Variants in BMP2K observed in about 807,000 individuals in gnomAD.
BMP2K encodes BMP-2-inducible protein kinase.
BMP2K carries 74 observed loss-of-function variants against 116.0 expected under a neutral mutation model. The observed-to-expected ratio is 0.64, with a 90% CI of 0.53 to 0.77. The LOEUF (loss-of-function observed/expected upper bound fraction) is 0.77, where lower values mean the gene tolerates loss of function less well. Among genes scored for constraint, BMP2K ranks in the 30% least tolerant of loss-of-function variants. The pLI is 0.00. For synonymous variants in BMP2K, 486 were observed against 502.5 expected (o/e 0.97, Z 0.44); for missense variants, 1,365 against 1,403.6 (o/e 0.97, Z 0.44).
rs1030545809 is a variant in BMP2K, at chr4:78,834,224, A to AATC, written c.403+552_403+554dup. Among the ~76,000 whole-genome samples the AATC allele has an allele frequency of 3.3e-5, 5 of 151,938 alleles. No homozygotes were observed. The South Asian group carries it at 6.2e-4, about 19-fold the overall frequency. The stretch of plus-strand genomic sequence containing the variant: ...AATATTTACTTGTATAGCATACCTT[A>AATC]ATCATCATCATCATCATAAAAAAAT... On this transcript the variant is annotated intron_variant, in intron 3 of 15. Transcript: ENST00000502613.
intron 15 of BMP2K, chr4:78,898,743 A>T (rs143193451): frequency 6.6e-6 from 1 of 152,038 alleles, no homozygotes; most frequent in African/African-American, 2.4e-5. Context: ...AAATAACTTT[A>T]TATGTATTGA....
At chr4:78,829,606 C>T (rs1319091820) in intron 2 of BMP2K, among the ~76,000 whole-genome samples, 11 of 151,898 alleles carry the variant, frequency 7.2e-5, no homozygotes, top group African/African-American at 2.7e-4. Flanking sequence ...TTTTGATTTA[C>T]TTTGCCCAGA....
Position 78,776,621 on chromosome 4 carries a change from CGGGG to C in BMP2K, c.79_82del (p.Gly27ProfsTer51). 8.3e-7 allele frequency: 1 copy of C among 1,200,804 alleles called. No homozygotes were observed. The highest frequency in any genetic ancestry group is 1.0e-6 in the Non-Finnish European group (1 of 964,752). 74.4% of individuals were successfully genotyped at this position (1,200,804 alleles called of 1,614,324 possible). ...CGGCGGGTGGCGGGGCTGGCGGGGC[CGGGG>C]CCGGGGCCGGCTGCGGCTCCGGCGG... On this transcript the variant is annotated frameshift_variant, in exon 1 of 16. Transcript: ENST00000502613. LOFTEE classifies it high-confidence loss of function.
chr4:78,838,680 T>C (rs758408668), intron 3 of BMP2K, among the ~76,000 whole-genome samples: 10 of 152,226 alleles, frequency 6.6e-5, no homozygotes, highest in Non-Finnish European at 1.3e-4. Context: ...ACCTATATAA[T>C]GTATACAGTT....
At chr4:78,792,442 C>G (rs1728048245) in intron 1 of BMP2K, among the ~76,000 whole-genome samples, 1 of 152,184 alleles carries the variant, frequency 6.6e-6, no homozygotes, top group African/African-American at 2.4e-5. Flanking sequence ...CAGTGACAAA[C>G]TATGATTATT....
intron 15 of BMP2K, among the ~76,000 whole-genome samples, chr4:78,897,248 C>T (rs1454721115): frequency 1.3e-5 from 2 of 151,670 alleles, no homozygotes; most frequent in Non-Finnish European, 2.9e-5. Context: ...AACATAACAT[C>T]TTGGGGAAAA....
intron 15 of BMP2K, among the ~76,000 whole-genome samples, chr4:78,908,468 C>A (rs1445103765): frequency 6.6e-6 from 1 of 152,174 alleles, no homozygotes; most frequent in African/African-American, 2.4e-5. Context: ...CCTCTGCTGA[C>A]TTCTGAATGT....
chr4:78,915,188 T>G lies in BMP2K; in HGVS notation c.*3155T>G, dbSNP rs1002441916. The G allele has an allele frequency of 2.0e-5, 3 of 152,106 alleles. No individual in the cohort carries two copies. Among genetic ancestry groups the G allele is most frequent in the African/African-American group, 7.2e-5 (3 of 41,546 alleles). The allele number at this position is 152,106 out of a possible 1,614,324, so 9.4% of individuals were successfully genotyped here. A position where few individuals can be genotyped will look rare whatever the true frequency, so the allele number is the denominator to read the frequency against. ...TTACGACATTATCCGGATTTGCAAA[T>G]AGACACAACTTTCAGTCTTACCCTG... On this transcript the variant is annotated 3_prime_UTR_variant, in exon 16 of 16. Transcript: ENST00000502613.
At chr4:78,897,452 A>C (rs945970677) in intron 15 of BMP2K, among the ~76,000 whole-genome samples, 1 of 152,158 alleles carries the variant, frequency 6.6e-6, no homozygotes, top group Non-Finnish European at 1.5e-5. Flanking sequence ...TGAATTAAAA[A>C]TTTATAATGA....
chr4:78,906,428 T>C (rs965004527), intron 15 of BMP2K, among the ~76,000 whole-genome samples: 6 of 152,196 alleles, frequency 3.9e-5, no homozygotes, highest in Non-Finnish European at 5.9e-5. Context: ...CCCGTACTAT[T>C]TGCAGATGTA....
chr4:78,890,404 GCACACACACACA>G (rs149825379), intron 15 of BMP2K, among the ~76,000 whole-genome samples: 1 of 147,968 alleles, frequency 6.8e-6, no homozygotes, highest in Admixed American at 6.8e-5. Flanking sequence ...ACAATCATGC[GCACACACACACA>G]CACACACACA....
rs544303487 is a variant in BMP2K, at chr4:78,808,094, G to T, written c.179-17943G>T. On this transcript the variant is annotated intron_variant, in intron 1 of 15. Coordinates refer to ENST00000502613, the MANE Select transcript of BMP2K (RefSeq NM_198892.2). The stretch of plus-strand genomic sequence containing the variant: ...TTTCGAGATGGAGTCTCGCTCTGTT[G>T]CCCAGGCTGGAGTGCAGTGGTGTGA... 2.6e-3 allele frequency among the ~76,000 whole-genome samples: 392 copies of T among 151,522 alleles called. 1 individual carries two copies. Among genetic ancestry groups the T allele is most frequent in the Non-Finnish European group, 4.4e-3 (301 of 67,912 alleles).
chr4:78,843,431 T>C (rs1031427819), intron 4 of BMP2K, among the ~76,000 whole-genome samples: 1 of 151,886 alleles, frequency 6.6e-6, no homozygotes, highest in Non-Finnish European at 1.5e-5. Flanking sequence ...CTTTTCTTTT[T>C]TTTTTCTTCC....
chr4:78,870,993 A>C lies in BMP2K; in HGVS notation c.1442A>C (p.Gln481Pro), dbSNP rs1255783205. 6.6e-7 allele frequency: 1 copy of C among 1,515,188 alleles called. No individual in the cohort carries two copies. The allele number at this position is 1,515,188 out of a possible 1,614,324, so 93.9% of individuals were successfully genotyped here. Reference sequence around the variant, plus strand: ...CAGCAGCAACAGCAACAGCAGCAGCAGCAGCAGCAGCAGCAGCACCACCAC... The same window carrying C: ...CAGCAGCAACAGCAACAGCAGCAGCCGCAGCAGCAGCAGCAGCACCACCAC... ...QQQQQQQQQQ[Q>P]QQQQQHHHHH... Residue 481 changes from glutamine (Q) to proline (P), a missense_variant, in exon 11 of 16, where the codon CAG becomes CCG. Transcript: ENST00000502613.
intron 15 of BMP2K, among the ~76,000 whole-genome samples, chr4:78,890,883 A>G (rs1312408693): frequency 6.6e-6 from 1 of 152,132 alleles, no homozygotes; most frequent in Non-Finnish European, 1.5e-5. Flanking sequence ...GAAAATATGC[A>G]TGAGAGGAAG....
At position 78,903,610 on chromosome 4, in the gene BMP2K, C is replaced by G. The variant is rs1048994905; in HGVS notation, c.2063-7000C>G. Among the ~76,000 whole-genome samples the G allele has an allele frequency of 2.0e-5, 3 of 151,878 alleles. No homozygotes were observed. In the East Asian group the frequency reaches 5.8e-4, roughly 29 times the overall value. The stretch of plus-strand genomic sequence containing the variant: ...CTCAGGCTTATTTGGATGTTTATCT[C>G]TCATGGATTTTGTAAAGTTGAGTAT... On this transcript the variant is annotated intron_variant, in intron 15 of 15. Transcript: ENST00000502613.
Position 78,878,729 on chromosome 4 carries a change from T to C in BMP2K, c.1794-5T>C, listed in dbSNP as rs1217177141. On this transcript the variant is annotated splice_polypyrimidine_tract_variant and splice_region_variant and intron_variant, in intron 13 of 15. Coordinates refer to ENST00000502613, the MANE Select transcript of BMP2K (RefSeq NM_198892.2). The stretch of plus-strand genomic sequence containing the variant: ...TTCTTTTTTCTTACTCAATTATTAC[T>C]ATAGGTCAGTTGCTGATAAAGAGGC... 1.3e-6 allele frequency: 2 copies of C among 1,597,486 alleles called. No individual in the cohort carries two copies. The highest frequency in any genetic ancestry group is 1.8e-5 in the Admixed American group (1 of 56,566).
chr4:78,865,365 T>G (rs1731992111), intron 9 of BMP2K, among the ~76,000 whole-genome samples, 192 bp from the exon 10 acceptor site: 1 of 152,182 alleles, frequency 6.6e-6, no homozygotes, highest in Non-Finnish European at 1.5e-5. Context: ...TAAGGAAAAT[T>G]GTTAGTTTTA....
intron 1 of BMP2K, among the ~76,000 whole-genome samples, chr4:78,781,445 G>A (rs990690957): frequency 1.3e-5 from 2 of 150,022 alleles, no homozygotes; most frequent in African/African-American, 2.5e-5. Context: ...TTTTTTTGAG[G>A]TGTTTGGAGG....
Sources: gnomAD v4.1 joint callset for allele counts (sites outside exome capture counted in the v4.1 genomes callset) on GRCh38, gnomAD v4.1.1 for gene constraint, MANE v1.5 for transcripts, NCBI Gene and HGNC (gene_info 2026-07-23, HGNC 2026-07-21) for gene names.